ST8SIA5: variants seen among roughly 807,000 people sequenced by gnomAD.
ST8SIA5 encodes alpha-2,8-sialyltransferase 8E.
In ST8SIA5, 24 loss-of-function variants were observed where a neutral mutation model predicts 40.2. The observed-to-expected ratio is 0.60, with a 90% CI of 0.43 to 0.84. The LOEUF (loss-of-function observed/expected upper bound fraction) is 0.84. ST8SIA5 is among the 40% of genes least tolerant of loss of function. The pLI is 0.00. For missense variants in ST8SIA5, 465 were observed against 498.5 expected (o/e 0.93, Z 0.64); for synonymous variants, 198 against 201.8 (o/e 0.98, Z 0.16).
chr18:46,671,859 G>C lies in ST8SIA5; in HGVS notation c.*8183C>G, dbSNP rs946177666. 2.6e-5 allele frequency: 4 copies of C among 152,320 alleles called. No homozygotes were observed. The highest frequency in any genetic ancestry group is 9.6e-5 in the African/African-American group (4 of 41,454). 9.4% of individuals were successfully genotyped at this position (152,320 alleles called of 1,614,324 possible). Reference sequence around the variant, plus strand: ...TCCACCAACCCCCAACCAGGAAAAAGAACAGGGCAGCAGAACAGGGCCAAT... The same window carrying C: ...TCCACCAACCCCCAACCAGGAAAAACAACAGGGCAGCAGAACAGGGCCAAT... On this transcript the variant is annotated 3_prime_UTR_variant, in exon 7 of 7. Transcript: ENST00000315087.
intron 1 of ST8SIA5, among the ~76,000 whole-genome samples, chr18:46,742,868 A>G (rs1217200123): frequency 1.3e-5 from 2 of 152,204 alleles, no homozygotes; most frequent in East Asian, 3.9e-4. Flanking sequence ...CTTTCAAAGA[A>G]AGGATCAGGC....
intron 1 of ST8SIA5, among the ~76,000 whole-genome samples, chr18:46,709,599 A>T (rs1259196716): frequency 6.6e-6 from 1 of 152,202 alleles, no homozygotes; most frequent in African/African-American, 2.4e-5. Flanking sequence ...AGATATACAG[A>T]CATCAAAAAT....
chr18:46,692,193 T>A lies in ST8SIA5; in HGVS notation c.287A>T (p.Asn96Ile). ...KSLQMCKWAM[N>I]ISEANQFKST... Reference sequence around the variant, plus strand: ...CTTGAACTGGTTGGCCTCAGAGATGTTCATCGCCCATTTGCACATCTGGAG... The same window carrying A: ...CTTGAACTGGTTGGCCTCAGAGATGATCATCGCCCATTTGCACATCTGGAG... Residue 96 changes from asparagine (N) to isoleucine (I), a missense_variant, in exon 3 of 7, where the codon AAC becomes ATC. Coordinates refer to ENST00000315087, the MANE Select transcript of ST8SIA5 (RefSeq NM_013305.6). The A allele has an allele frequency of 6.2e-7, 1 of 1,614,088 alleles. No homozygotes were observed. Among genetic ancestry groups the A allele is most frequent in the African/African-American group, 1.3e-5 (1 of 75,012 alleles).
rs2039292455 is a variant in ST8SIA5, at chr18:46,668,962, C to T, written c.*11080G>A. ...GGCCAGAGCAGCAGGGGGCCAGCAC[C>T]ATGGTCCCTGACCCCAGCTTGCCCC... On this transcript the variant is annotated 3_prime_UTR_variant, in exon 7 of 7. Coordinates refer to ENST00000315087, the MANE Select transcript of ST8SIA5 (RefSeq NM_013305.6). 6 of 152,380 alleles carry T rather than the reference C, an allele frequency of 3.9e-5. No homozygotes were observed. The highest frequency in any genetic ancestry group is 3.9e-4 in the Admixed American group (6 of 15,290). 9.4% of individuals were successfully genotyped at this position (152,380 alleles called of 1,614,324 possible). A position where few individuals can be genotyped will look rare whatever the true frequency, so the allele number is the denominator to read the frequency against.
chr18:46,741,112 C>G (rs545608833), intron 1 of ST8SIA5, among the ~76,000 whole-genome samples: 4 of 151,648 alleles, frequency 2.6e-5, no homozygotes, highest in Admixed American at 2.0e-4. Context: ...ATCAACAATG[C>G]CAAAATCTGA....
rs569332326 is a variant in ST8SIA5, at chr18:46,670,758, T to G, written c.*9284A>C. On this transcript the variant is annotated 3_prime_UTR_variant, in exon 7 of 7. Transcript: ENST00000315087. ...TATTTTCTTATCCTTAATGTAGTGT[T>G]TTTTTTTTTCCAAAGACAAGCTGTC... The G allele has an allele frequency of 1.0e-4, 13 of 124,954 alleles. No individual in the cohort carries two copies. Among genetic ancestry groups the G allele is most frequent in the South Asian group, 2.8e-4 (1 of 3,512 alleles). The allele number at this position is 124,954 out of a possible 1,614,324, so 7.7% of individuals were successfully genotyped here. A position where few individuals can be genotyped will look rare whatever the true frequency, so the allele number is the denominator to read the frequency against.
At chr18:46,706,060 T>A (rs2039667398) in intron 1 of ST8SIA5, among the ~76,000 whole-genome samples, 1 of 152,106 alleles carries the variant, frequency 6.6e-6, no homozygotes, top group African/African-American at 2.4e-5. Context: ...TGTCATTTTG[T>A]CATTAAAATA....
At chr18:46,726,012 C>A (rs1440428309) in intron 1 of ST8SIA5, among the ~76,000 whole-genome samples, 1 of 31,834 alleles carries the variant, frequency 3.1e-5, no homozygotes, top group South Asian at 2.1e-3. Context: ...TATATATATC[C>A]TGGATATATA....
chr18:46,717,189 C>A (rs1278768012), intron 1 of ST8SIA5, among the ~76,000 whole-genome samples: 1 of 152,218 alleles, frequency 6.6e-6, no homozygotes, highest in African/African-American at 2.4e-5. Context: ...TAGGCCAGTC[C>A]AGAGGGAACA....
chr18:46,723,531 A>G (rs1249664832), intron 1 of ST8SIA5, among the ~76,000 whole-genome samples: 1 of 152,132 alleles, frequency 6.6e-6, no homozygotes, highest in Non-Finnish European at 1.5e-5. Context: ...TAGCCTGAGC[A>G]AGAGAGTGAG....
intron 1 of ST8SIA5, among the ~76,000 whole-genome samples, chr18:46,736,306 A>G (rs1455781587): frequency 6.6e-6 from 1 of 152,166 alleles, no homozygotes; most frequent in Non-Finnish European, 1.5e-5. Context: ...AAGGGCACAC[A>G]ATGGATGCTT....
chr18:46,744,160 C>T (rs571478140), intron 1 of ST8SIA5, among the ~76,000 whole-genome samples: 107 of 152,258 alleles, frequency 7.0e-4, no homozygotes, highest in African/African-American at 2.4e-3. Flanking sequence ...CATCAATTAA[C>T]GGGCAAAATA....
At chr18:46,721,627 T>C (rs575900881) in intron 1 of ST8SIA5, among the ~76,000 whole-genome samples, 1 of 152,310 alleles carries the variant, frequency 6.6e-6, no homozygotes, top group South Asian at 2.1e-4. Context: ...AGGATGGTGA[T>C]CATAAACCAC....
chr18:46,736,982 GA>G (rs1211768907), intron 1 of ST8SIA5, among the ~76,000 whole-genome samples: 1 of 152,156 alleles, frequency 6.6e-6, no homozygotes, highest in East Asian at 1.9e-4. Flanking sequence ...CTGTTCTCCT[GA>G]GGGACCAGTC....
chr18:46,676,651 C>G lies in ST8SIA5; in HGVS notation c.*3391G>C, dbSNP rs903872916. On this transcript the variant is annotated 3_prime_UTR_variant, in exon 7 of 7. Coordinates refer to ENST00000315087, the MANE Select transcript of ST8SIA5 (RefSeq NM_013305.6). ...ACCTTTCTTTGTGCTTGGCTAAGCA[C>G]TGAGTCATTTACTTGTTTTTGCTGC... The G allele has an allele frequency of 2.6e-5, 4 of 152,254 alleles. No individual in the cohort carries two copies. Among genetic ancestry groups the G allele is most frequent in the African/African-American group, 7.2e-5 (3 of 41,462 alleles). The allele number at this position is 152,254 out of a possible 1,614,324, so 9.4% of individuals were successfully genotyped here.
intron 2 of ST8SIA5, among the ~76,000 whole-genome samples, chr18:46,703,137 T>TTTTTA (rs1213879670): frequency 1.2e-4 from 18 of 152,304 alleles, no homozygotes; most frequent in African/African-American, 3.4e-4. Context: ...CTACTTTCTT[T>TTTTTA]TTTTATTTTA....
chr18:46,701,609 C>T (rs1361116183), intron 2 of ST8SIA5, among the ~76,000 whole-genome samples: 1 of 152,154 alleles, frequency 6.6e-6, no homozygotes, highest in Non-Finnish European at 1.5e-5. Context: ...AGGAGAGAGG[C>T]CTCAGAAGAA....
At chr18:46,706,074 CTG>C (rs1210374597) in intron 1 of ST8SIA5, among the ~76,000 whole-genome samples, 1 of 151,718 alleles carries the variant, frequency 6.6e-6, no homozygotes, top group Non-Finnish European at 1.5e-5. Context: ...TAAAATAATA[CTG>C]TGATACTTTA....
At chr18:46,737,270 C>T (rs796224911) in intron 1 of ST8SIA5, among the ~76,000 whole-genome samples, 4 of 152,182 alleles carry the variant, frequency 2.6e-5, no homozygotes, top group African/African-American at 9.7e-5. Context: ...CCCACCCCGC[C>T]CCATTGCTGT....
Sources: allele counts gnomAD v4.1 joint callset (sites outside exome capture counted in the v4.1 genomes callset), GRCh38; gene constraint gnomAD v4.1.1; transcripts MANE v1.5; gene names NCBI Gene and HGNC (gene_info 2026-07-23, HGNC 2026-07-21).